Variants in NBAS observed in about 807,000 individuals in gnomAD.
NBAS encodes the protein NAG/BC035112 fusion.
In NBAS, 219 loss-of-function variants were observed where a neutral mutation model predicts 302.5. The observed-to-expected ratio is 0.72, with a 90% CI of 0.65 to 0.81. The LOEUF (loss-of-function observed/expected upper bound fraction) is 0.81, where lower values mean the gene tolerates loss of function less well. Among genes scored for constraint, NBAS ranks in the 30% least tolerant of loss-of-function variants. The pLI is 0.00. For synonymous variants in NBAS, 1,118 were observed against 1,021.6 expected, an observed-to-expected ratio of 1.09 and a Z score of -1.80; for missense variants, 2,932 against 2,841.6, an observed-to-expected ratio of 1.03 and a Z score of -0.72.
At chr2:14,990,423 CA>C in the NBAS span, among the ~76,000 whole-genome samples, 23 of 145,642 alleles carry the variant, frequency 1.6e-4, no homozygotes, top group East Asian at 2.0e-4. Context: ...GACTCCATCT[CA>C]AAAAAAAAAA....
chr2:14,837,537 T>A, the NBAS span, among the ~76,000 whole-genome samples: 84,824 of 151,012 alleles, frequency 0.56, 26,197 homozygotes, highest in African/African-American at 0.84. Flanking sequence ...GAGGAGCCAC[T>A]TGAGCCTGAA....
chr2:15,555,522 T>C (rs1261642196), intron 3 of NBAS, among the ~76,000 whole-genome samples: 1 of 152,122 alleles, frequency 6.6e-6, no homozygotes, highest in Non-Finnish European at 1.5e-5. Flanking sequence ...ATTCTCAGTA[T>C]GTTTATATTT....
At chr2:14,998,470 T>G in the NBAS span, among the ~76,000 whole-genome samples, 1 of 152,104 alleles carries the variant, frequency 6.6e-6, no homozygotes, top group Non-Finnish European at 1.5e-5. Context: ...GTCCTCAGGG[T>G]GTCCTTGGGT....
At chr2:15,131,001 T>C in the NBAS span, among the ~76,000 whole-genome samples, 2 of 152,222 alleles carry the variant, frequency 1.3e-5, no homozygotes, top group African/African-American at 4.8e-5. Context: ...CAATATATAA[T>C]ACAGTATTCC....
Position 15,299,621 on chromosome 2 carries a change from T to G in NBAS, c.4798-6855A>C, listed in dbSNP as rs1435456242. Among the ~76,000 whole-genome samples the G allele has an allele frequency of 2.6e-5, 4 of 152,222 alleles. No individual in the cohort carries two copies. The East Asian group carries it at 7.7e-4, about 29-fold the overall frequency. ...TCTGAATGTCATCCCCCGCTGAGTT[T>G]GCTTCCCTAGTCTATAAAACTAAAG... On this transcript the variant is annotated intron_variant, in intron 40 of 51. Transcript: ENST00000281513.
chr2:15,551,564 AG>A, intron 5 of NBAS, 28 bp from the exon 6 acceptor site: 1 of 1,580,696 alleles, frequency 6.3e-7, no homozygotes, highest in Non-Finnish European at 8.7e-7. Flanking sequence ...TCAAGGCAAA[AG>A]TTTTATCGTA....
At chr2:14,982,960 G>A in the NBAS span, among the ~76,000 whole-genome samples, 1 of 152,082 alleles carries the variant, frequency 6.6e-6, no homozygotes. Context: ...ATTATCTGTG[G>A]AAAGAGGAAC....
At chr2:15,274,986 T>C (rs1669504338) in intron 44 of NBAS, among the ~76,000 whole-genome samples, 1 of 151,806 alleles carries the variant, frequency 6.6e-6, no homozygotes. Context: ...TTTCACCATA[T>C]TGGCCAGGCT....
At chr2:15,539,826 G>C (rs956759975) in intron 6 of NBAS, among the ~76,000 whole-genome samples, 2 of 151,480 alleles carry the variant, frequency 1.3e-5, no homozygotes, top group Non-Finnish European at 2.9e-5. Flanking sequence ...TGCTAACATT[G>C]TATTAGAAAG....
the NBAS span, among the ~76,000 whole-genome samples, chr2:14,941,788 G>A: frequency 1.4e-4 from 21 of 152,148 alleles, no homozygotes; most frequent in African/African-American, 4.3e-4. Flanking sequence ...ATCAGACTGC[G>A]GATTTAGCAT....
chr2:15,176,117 T>C (rs1664525508), intron 51 of NBAS, among the ~76,000 whole-genome samples: 1 of 152,070 alleles, frequency 6.6e-6, no homozygotes. Flanking sequence ...AAAGCAAAAG[T>C]TTTCTATTTT....
At chr2:14,841,576 A>G in the NBAS span, among the ~76,000 whole-genome samples, 1 of 151,884 alleles carries the variant, frequency 6.6e-6, no homozygotes, top group South Asian at 2.1e-4. Flanking sequence ...GTAAGAGTCT[A>G]TATATAAAAA....
At chr2:15,189,930 G>C (rs1382883125) in intron 49 of NBAS, among the ~76,000 whole-genome samples, 2 of 152,090 alleles carry the variant, frequency 1.3e-5, no homozygotes, top group Non-Finnish European at 1.5e-5. Flanking sequence ...TATTCCATTT[G>C]GATTCTCAAG....
At chr2:14,835,721 AT>A in the NBAS span, among the ~76,000 whole-genome samples, 9,029 of 151,838 alleles carry the variant, frequency 0.059, 913 homozygotes, top group African/African-American at 0.21. Context: ...ACATTTATTT[AT>A]TTTTTTGTGG....
the NBAS span, among the ~76,000 whole-genome samples, chr2:15,087,859 T>G: frequency 1.2e-4 from 19 of 152,386 alleles, no homozygotes; most frequent in East Asian, 3.3e-3. Context: ...CAGCCTTTAC[T>G]GTGTCTAAAT....
intron 6 of NBAS, among the ~76,000 whole-genome samples, chr2:15,541,853 T>C (rs1217689415): frequency 9.6e-5 from 2 of 20,900 alleles, no homozygotes; most frequent in Admixed American, 8.8e-4. Flanking sequence ...GGGAGGGAGG[T>C]GGGGGGGTTC....
the NBAS span, among the ~76,000 whole-genome samples, chr2:15,135,924 T>C: frequency 1.3e-5 from 2 of 150,386 alleles, no homozygotes; most frequent in Non-Finnish European, 2.9e-5. Flanking sequence ...TTAAGAAATT[T>C]GACGAATTTG....
chr2:15,483,457 T>G, intron 12 of NBAS: 1 of 266,902 alleles, frequency 3.7e-6, no homozygotes, highest in Non-Finnish European at 7.9e-6. Context: ...AATAGACAAA[T>G]AATAAAACTT....
the NBAS span, among the ~76,000 whole-genome samples, chr2:14,857,348 A>C: frequency 6.6e-6 from 1 of 152,182 alleles, no homozygotes; most frequent in Admixed American, 6.5e-5. Flanking sequence ...GAAACCACAA[A>C]GACCCAGAAG....
Sources: gnomAD v4.1 joint callset for allele counts (sites outside exome capture counted in the v4.1 genomes callset) on GRCh38, gnomAD v4.1.1 for gene constraint, MANE v1.5 for transcripts, NCBI Gene and HGNC (gene_info 2026-07-23, HGNC 2026-07-21) for gene names.